Variants in SLC24A2 observed in about 807,000 individuals in gnomAD.
The protein encoded by SLC24A2 is sodium/potassium/calcium exchanger 2.
A neutral mutation model predicts 62.0 loss-of-function variants in SLC24A2; 36 were observed. The observed-to-expected ratio is 0.58, with a 90% CI of 0.44 to 0.77. The LOEUF (loss-of-function observed/expected upper bound fraction) is 0.77, where lower values mean the gene tolerates loss of function less well. Among genes scored for constraint, SLC24A2 ranks in the 30% least tolerant of loss-of-function variants. The pLI is 0.00. For synonymous variants in SLC24A2, 358 were observed against 294.0 expected (o/e 1.22, Z -2.23); for missense variants, 846 against 817.9 (o/e 1.03, Z -0.42).
chr9:19,782,303 C>T (rs1004891431), intron 2 of SLC24A2, among the ~76,000 whole-genome samples: 2 of 152,174 alleles, frequency 1.3e-5, no homozygotes, highest in Non-Finnish European at 2.9e-5. Context: ...TTATTCCTAA[C>T]CAGCTATACA....
At chr9:19,873,270 TTCTC>T in the SLC24A2 span, among the ~76,000 whole-genome samples, 109 of 151,900 alleles carry the variant, frequency 7.2e-4, no homozygotes, top group Non-Finnish European at 4.1e-4. Context: ...TTTCTTTCTT[TTCTC>T]TCTTTCTTTC....
the SLC24A2 span, among the ~76,000 whole-genome samples, chr9:19,914,790 G>C: frequency 6.6e-6 from 1 of 152,042 alleles, no homozygotes; most frequent in Non-Finnish European, 1.5e-5. Context: ...ATGGGCTCAA[G>C]ACAGCAAGTA....
the SLC24A2 span, among the ~76,000 whole-genome samples, chr9:20,121,052 T>C: frequency 2.1e-3 from 309 of 150,054 alleles, no homozygotes; most frequent in Non-Finnish European, 3.5e-3. Flanking sequence ...TTAGGTACTA[T>C]GGCTCCTCCC....
At chr9:20,271,436 C>T in the SLC24A2 span, among the ~76,000 whole-genome samples, 1 of 152,206 alleles carries the variant, frequency 6.6e-6, no homozygotes, top group African/African-American at 2.4e-5. Context: ...CAGATATATG[C>T]TGCTGCTGCT....
chr9:19,602,469 A>C (rs1450486807), intron 4 of SLC24A2, among the ~76,000 whole-genome samples: 1 of 152,246 alleles, frequency 6.6e-6, no homozygotes, highest in Non-Finnish European at 1.5e-5. Context: ...TGCCAAAGGA[A>C]GTCTATGAAT....
the SLC24A2 span, among the ~76,000 whole-genome samples, chr9:20,185,145 G>C: frequency 1.3e-5 from 2 of 152,048 alleles, no homozygotes; most frequent in Non-Finnish European, 2.9e-5. Context: ...ATTTAGAGAG[G>C]AGGAATAAGT....
intron 2 of SLC24A2, among the ~76,000 whole-genome samples, chr9:19,707,203 C>T (rs1203307027): frequency 1.3e-5 from 2 of 151,758 alleles, no homozygotes; most frequent in African/African-American, 2.4e-5. Context: ...AAGACTAAAC[C>T]AGGAAGAAGT....
In SLC24A2 at chr9:19,513,153, G is replaced by GATATATATAGATATATAT; in HGVS notation, c.*2999_*3000insATATATATCTATATATAT. On this transcript the variant is annotated 3_prime_UTR_variant, in exon 11 of 11. Transcript: ENST00000341998. ...TGTGTACATATAGATCTGGTATAAA[G>GATATATATAGATATATAT]ATATATATATATATATATATATGTA... The GATATATATAGATATATAT allele has an allele frequency of 1.2e-5, 1 of 80,590 alleles. No homozygotes were observed. Among genetic ancestry groups the GATATATATAGATATATAT allele is most frequent in the Admixed American group, 1.5e-4 (1 of 6,532 alleles). 5.0% of individuals were successfully genotyped at this position (80,590 alleles called of 1,614,324 possible).
intron 9 of SLC24A2, among the ~76,000 whole-genome samples, chr9:19,527,185 T>C (rs116703131): frequency 0.012 from 1,902 of 152,324 alleles, 45 homozygotes; most frequent in African/African-American, 0.044. Context: ...TTTAGGATTA[T>C]ATTAAACAAA....
At chr9:19,998,516 G>A in the SLC24A2 span, among the ~76,000 whole-genome samples, 1 of 152,138 alleles carries the variant, frequency 6.6e-6, no homozygotes, top group African/African-American at 2.4e-5. Context: ...ACAGCCCCCA[G>A]CAATAAATAT....
At chr9:20,199,841 C>T in the SLC24A2 span, among the ~76,000 whole-genome samples, 2 of 151,116 alleles carry the variant, frequency 1.3e-5, no homozygotes, top group Non-Finnish European at 2.9e-5. Flanking sequence ...GCCTCAGCCT[C>T]CTGAGGAGCT....
At chr9:19,716,324 C>G (rs1471158489) in intron 2 of SLC24A2, among the ~76,000 whole-genome samples, 1 of 152,212 alleles carries the variant, frequency 6.6e-6, no homozygotes, top group Non-Finnish European at 1.5e-5. Flanking sequence ...ATCCTGATTA[C>G]ATGACAATGA....
chr9:20,198,914 A>T, the SLC24A2 span, among the ~76,000 whole-genome samples: 5 of 152,202 alleles, frequency 3.3e-5, no homozygotes, highest in Admixed American at 3.3e-4. Context: ...CACCAAGGTG[A>T]TGCCGAGGCT....
In SLC24A2 at chr9:19,617,337, C is replaced by G. The variant is rs770539411; in HGVS notation, c.1078+2247G>C. On this transcript the variant is annotated intron_variant, in intron 4 of 10. Transcript: ENST00000341998. ...CAGTCCGTGGTCTGGGGGTTGGGGA[C>G]CCCTGTCATAGACCATGATTTGGCT... Among the ~76,000 whole-genome samples the G allele has an allele frequency of 3.9e-5, 6 of 152,120 alleles. No individual in the cohort carries two copies. In the South Asian group the frequency reaches 8.3e-4, roughly 21 times the overall value.
the SLC24A2 span, among the ~76,000 whole-genome samples, chr9:20,036,738 G>T: frequency 2.0e-5 from 3 of 152,128 alleles, no homozygotes; most frequent in Admixed American, 1.3e-4. Context: ...TGGGGGATCA[G>T]TTATAGGATG....
At chr9:20,082,387 A>C in the SLC24A2 span, among the ~76,000 whole-genome samples, 1 of 152,210 alleles carries the variant, frequency 6.6e-6, no homozygotes, top group Non-Finnish European at 1.5e-5. Flanking sequence ...TTTTGGAAGG[A>C]TCCACATGAC....
At chr9:19,771,414 G>T (rs1208016794) in intron 2 of SLC24A2, among the ~76,000 whole-genome samples, 1 of 152,176 alleles carries the variant, frequency 6.6e-6, no homozygotes, top group Non-Finnish European at 1.5e-5. Flanking sequence ...AGACTTTCAA[G>T]GTCAGAGCTA....
At chr9:20,118,704 G>A in the SLC24A2 span, among the ~76,000 whole-genome samples, 5 of 152,130 alleles carry the variant, frequency 3.3e-5, no homozygotes, top group East Asian at 1.9e-4. Flanking sequence ...AGTGACCTCC[G>A]TAACTCTAAT....
At chr9:19,635,087 C>T (rs928842484) in intron 2 of SLC24A2, among the ~76,000 whole-genome samples, 1 of 152,184 alleles carries the variant, frequency 6.6e-6, no homozygotes, top group Admixed American at 6.5e-5. Flanking sequence ...CTACTGAAAA[C>T]AGATGTAGCC....
Sources: allele counts gnomAD v4.1 joint callset (sites outside exome capture counted in the v4.1 genomes callset), GRCh38; gene constraint gnomAD v4.1.1; transcripts MANE v1.5; gene names NCBI Gene and HGNC (gene_info 2026-07-23, HGNC 2026-07-21).